The following VWA8 variants were observed in gnomAD, a reference collection of about 807,000 sequenced individuals.
VWA8 encodes von Willebrand factor A domain containing 8.
A neutral mutation model predicts 241.5 loss-of-function variants in VWA8; 221 were observed. That is an observed-to-expected ratio of 0.91 (90% CI 0.82 to 1.02). VWA8 has a LOEUF of 1.02. Ranked by LOEUF, VWA8 falls within the 50% of genes least tolerant of loss-of-function variation. The pLI, the probability that VWA8 is intolerant of heterozygous loss-of-function variation, is 0.00. For missense variants in VWA8, 2,322 were observed against 2,328.7 expected (o/e 1.00, Z 0.06); for synonymous variants, 852 against 827.1 (o/e 1.03, Z -0.52).
intron 14 of VWA8, among the ~76,000 whole-genome samples, chr13:41,824,396 T>C (rs1871091931): frequency 6.6e-6 from 1 of 152,202 alleles, no homozygotes; most frequent in Non-Finnish European, 1.5e-5. Context: ...TTTCATTCAC[T>C]AACTTAAGGT....
rs1252601288 is a variant in VWA8 at position 41,819,199 on chromosome 13, A to C, written c.1869+19T>G. The stretch of plus-strand genomic sequence containing the variant: ...ATCAGCTTTTTAAGAAAATAGACTA[A>C]GATTGGCTTTCTTCTTACCTTTTCC... On this transcript the variant is annotated intron_variant, in intron 15 of 44. Transcript: ENST00000379310. The C allele has an allele frequency of 3.1e-6, 5 of 1,588,170 alleles. No homozygotes were observed. The African/African-American group carries it at 4.1e-5, about 13-fold the overall frequency.
chr13:41,581,051 G>C (rs1483945471), intron 42 of VWA8, among the ~76,000 whole-genome samples: 2 of 78,012 alleles, frequency 2.6e-5, no homozygotes, highest in Admixed American at 1.4e-4. Context: ...CCAGGCTGGA[G>C]TGCAGTGGCG....
chr13:41,695,734 G>A (rs983180740), intron 29 of VWA8, among the ~76,000 whole-genome samples: 10 of 152,126 alleles, frequency 6.6e-5, no homozygotes, highest in African/African-American at 2.4e-4. Flanking sequence ...GTGGCCAAAG[G>A]GGTAAGTAAG....
At chr13:41,877,319 T>C (rs1006163367) in intron 9 of VWA8, among the ~76,000 whole-genome samples, 2 of 152,088 alleles carry the variant, frequency 1.3e-5, no homozygotes, top group Non-Finnish European at 2.9e-5. Context: ...ACATTTCTCA[T>C]ATTTGTTTAA....
At chr13:41,947,931 CAAA>C (rs1218456579) in intron 2 of VWA8, among the ~76,000 whole-genome samples, 1 of 20,572 alleles carries the variant, frequency 4.9e-5, no homozygotes, top group African/African-American at 1.2e-4. Context: ...GACCCTGTCT[CAAA>C]AAAAAAAAAA....
intron 43 of VWA8, among the ~76,000 whole-genome samples, chr13:41,574,278 C>A (rs950856100): frequency 1.4e-4 from 21 of 151,640 alleles, no homozygotes; most frequent in African/African-American, 5.1e-4. Flanking sequence ...TATATGCCAA[C>A]AATGACCAAG....
intron 12 of VWA8, among the ~76,000 whole-genome samples, chr13:41,837,319 A>G (rs1280292087): frequency 6.6e-6 from 1 of 152,226 alleles, no homozygotes; most frequent in African/African-American, 2.4e-5. Context: ...TTCTATTGAA[A>G]GACAAACATT....
At chr13:41,660,639 G>A (rs17062467) in intron 37 of VWA8, among the ~76,000 whole-genome samples, 1,852 of 152,246 alleles carry the variant, frequency 0.012, 24 homozygotes, top group African/African-American at 0.03. Flanking sequence ...TTTAGGGGTG[G>A]TGATGGGATA....
At chr13:41,830,703 A>G (rs1871412819) in intron 13 of VWA8, 61 bp from the exon 14 acceptor site, 14 of 1,437,852 alleles carry the variant, frequency 9.7e-6, no homozygotes, top group Non-Finnish European at 1.4e-5. Context: ...TGAAGTTTTC[A>G]GAGGCAGAAT....
At chr13:41,830,406 G>A (rs1871394980) in intron 14 of VWA8, 123 bp downstream of exon 14, 8 of 789,990 alleles carry the variant, frequency 1.0e-5, no homozygotes. Flanking sequence ...GCATATCCAG[G>A]ACACCAAATT....
rs866084541 is a variant in VWA8, at chr13:41,706,830, T to G, written c.3117-3419A>C. On this transcript the variant is annotated intron_variant, in intron 26 of 44. Transcript: ENST00000379310. ...GGCATTTTCCATGGCTTTAAGACTT[T>G]GTCACTTGTATTGTTTAACTTTGTT... Among the ~76,000 whole-genome samples the G allele has an allele frequency of 1.3e-5, 2 of 152,356 alleles. 1 individual carries two copies. Among genetic ancestry groups the G allele is most frequent in the South Asian group, 4.1e-4 (2 of 4,826 alleles).
At chr13:41,784,272 A>G (rs1019839900) in intron 18 of VWA8, among the ~76,000 whole-genome samples, 1 of 152,184 alleles carries the variant, frequency 6.6e-6, no homozygotes, top group African/African-American at 2.4e-5. Context: ...TACCTTGAAT[A>G]TTATCTTTTA....
In VWA8 at chr13:41,939,000, C is replaced by T. The variant is rs1397937905; in HGVS notation, c.241+10936G>A. Among the ~76,000 whole-genome samples, 4 of 152,242 alleles carry T rather than the reference C, an allele frequency of 2.6e-5. No homozygotes were observed. The East Asian group carries it at 5.8e-4, about 22-fold the overall frequency. On this transcript the variant is annotated intron_variant, in intron 2 of 44. Transcript: ENST00000379310. ...ACAAACTAAAGGAAAAAATTCTCTC[C>T]TCCTGTGGATTTTATGTCAAAACTC...
intron 24 of VWA8, among the ~76,000 whole-genome samples, chr13:41,725,066 C>A (rs1169276982): frequency 1.3e-5 from 2 of 152,022 alleles, no homozygotes; most frequent in Non-Finnish European, 2.9e-5. Context: ...TGGCAGTAAC[C>A]AACTCTCTCC....
At chr13:41,853,001 TAG>T (rs1373780861) in intron 12 of VWA8, among the ~76,000 whole-genome samples, 1 of 152,170 alleles carries the variant, frequency 6.6e-6, no homozygotes, top group Admixed American at 6.5e-5. Context: ...GGAATTTTGG[TAG>T]AGATTGATTG....
intron 23 of VWA8, 149 bp from the exon 24 acceptor site, chr13:41,727,462 A>C: frequency 1.3e-6 from 1 of 744,984 alleles, no homozygotes; most frequent in Non-Finnish European, 2.0e-6. Context: ...TTGCAGAAAC[A>C]AAAACTTTCT....
At chr13:41,696,808 C>T (rs968996044) in intron 29 of VWA8, among the ~76,000 whole-genome samples, 1 of 152,246 alleles carries the variant, frequency 6.6e-6, no homozygotes, top group Admixed American at 6.5e-5. Context: ...TGGTCACTCA[C>T]TTTCAAACTC....
rs1395568060 is a variant in VWA8, at chr13:41,670,997, T to C, written c.4560A>G (p.Arg1520=). Residue 1520 remains arginine, a synonymous_variant, in exon 37 of 45, where the codon CGA becomes CGG. Transcript: ENST00000379310. ...LWETGLERLQ[R]SLMEWRNMIG... ...TCATGTTTCTCCATTCCATGAGTGATCGCTGCAGACGTTCAAGTCCAGTTT... is the reference window on the plus strand; with the variant it reads ...TCATGTTTCTCCATTCCATGAGTGACCGCTGCAGACGTTCAAGTCCAGTTT... 7 of 1,613,890 alleles carry C rather than the reference T, an allele frequency of 4.3e-6. No individual in the cohort carries two copies. Among genetic ancestry groups the C allele is most frequent in the Non-Finnish European group, 5.9e-6 (7 of 1,179,926 alleles).
chr13:41,813,560 AG>A (rs1251757233), intron 16 of VWA8, among the ~76,000 whole-genome samples: 1 of 152,158 alleles, frequency 6.6e-6, no homozygotes, highest in East Asian at 1.9e-4. Context: ...GTTAAACCAT[AG>A]GGTATAACAT....
Sources: allele counts gnomAD v4.1 joint callset (sites outside exome capture counted in the v4.1 genomes callset), GRCh38; gene constraint gnomAD v4.1.1; transcripts MANE v1.5; gene names NCBI Gene and HGNC (gene_info 2026-07-23, HGNC 2026-07-21).